NRG1: variants seen among roughly 807,000 people sequenced by gnomAD.
The protein encoded by NRG1 is neuregulin 1.
Under a neutral mutation model 63.8 loss-of-function variants are expected in NRG1, and 18 were observed. The observed-to-expected ratio is 0.28, with a 90% CI of 0.19 to 0.42. The LOEUF (loss-of-function observed/expected upper bound fraction) is 0.42, where lower values mean the gene tolerates loss of function less well. Among genes scored for constraint, NRG1 ranks in the 10% least tolerant of loss-of-function variants. NRG1 has a pLI of 1.00. For synonymous variants in NRG1, 302 were observed against 301.3 expected (o/e 1.00, Z -0.02); for missense variants, 762 against 814.7 (o/e 0.94, Z 0.79).
chr8:32,447,533 T>C (rs1820417496), intron 1 of NRG1, among the ~76,000 whole-genome samples: 1 of 152,108 alleles, frequency 6.6e-6, no homozygotes, highest in African/African-American at 2.4e-5. Context: ...TTTTATTCTA[T>C]TATATTCTCT....
chr8:32,648,378 A>G, intron 5 of NRG1: 3 of 1,613,722 alleles, frequency 1.9e-6, no homozygotes, highest in Non-Finnish European at 2.5e-6. Flanking sequence ...AACTGCTCCT[A>G]AACTTTGTAA....
intron 1 of NRG1, among the ~76,000 whole-genome samples, chr8:32,428,549 C>T (rs543401392): frequency 5.3e-5 from 8 of 152,260 alleles, no homozygotes; most frequent in South Asian, 4.1e-4. Flanking sequence ...TTCTGCTTAA[C>T]GGTTTCACAC....
chr8:32,608,949 C>T (rs1221075738), intron 3 of NRG1, among the ~76,000 whole-genome samples: 1 of 152,146 alleles, frequency 6.6e-6, no homozygotes, highest in Non-Finnish European at 1.5e-5. Flanking sequence ...ATCCTATTAG[C>T]AAAGTTGATT....
intron 1 of NRG1, among the ~76,000 whole-genome samples, chr8:32,342,748 A>C (rs562910664): frequency 6.6e-6 from 1 of 152,232 alleles, no homozygotes. Flanking sequence ...ACTACATGAA[A>C]GTAGATTTGT....
At chr8:32,726,012 A>C (rs1243489254) in intron 5 of NRG1, among the ~76,000 whole-genome samples, 1 of 152,130 alleles carries the variant, frequency 6.6e-6, no homozygotes, top group Non-Finnish European at 1.5e-5. Context: ...CTGTCTACTC[A>C]TTCTTTCTTA....
chr8:31,976,492 A>G (rs1032701942), intron 1 of NRG1, among the ~76,000 whole-genome samples: 11 of 152,110 alleles, frequency 7.2e-5, no homozygotes, highest in African/African-American at 2.4e-4. Flanking sequence ...GTGGGGGGAG[A>G]TGAAATTAGT....
At chr8:31,912,769 C>T (rs576393295) in intron 1 of NRG1, among the ~76,000 whole-genome samples, 2 of 152,172 alleles carry the variant, frequency 1.3e-5, no homozygotes, top group South Asian at 4.1e-4. Context: ...ATCTGTGAAA[C>T]TGAAAAGCTT....
chr8:31,873,997 C>T (rs1370320927), intron 1 of NRG1, among the ~76,000 whole-genome samples: 1 of 152,076 alleles, frequency 6.6e-6, no homozygotes, highest in Middle Eastern at 3.2e-3. Context: ...ATGTGATTTT[C>T]TGTTGGAGTC....
intron 1 of NRG1, among the ~76,000 whole-genome samples, chr8:32,210,997 A>G (rs781463100): frequency 4.3e-4 from 65 of 152,212 alleles, no homozygotes; most frequent in Non-Finnish European, 6.3e-4. Context: ...CAATATTAAT[A>G]CACCCTCTTT....
chr8:31,787,495 T>C (rs1820291274), intron 1 of NRG1, among the ~76,000 whole-genome samples: 1 of 152,158 alleles, frequency 6.6e-6, no homozygotes, highest in Admixed American at 6.6e-5. Flanking sequence ...ATCAACCATC[T>C]ACCTAAGCCT....
chr8:31,924,276 A>G (rs1157645293), intron 1 of NRG1, among the ~76,000 whole-genome samples: 1 of 151,824 alleles, frequency 6.6e-6, no homozygotes, highest in Non-Finnish European at 1.5e-5. Flanking sequence ...GCTTGAACCC[A>G]GGAGGCAGAG....
chr8:31,798,049 G>A (rs1821404577), intron 1 of NRG1, among the ~76,000 whole-genome samples: 1 of 152,154 alleles, frequency 6.6e-6, no homozygotes, highest in Admixed American at 6.5e-5. Context: ...GGGAAGAAAG[G>A]AGAGGGAACG....
intron 1 of NRG1, among the ~76,000 whole-genome samples, chr8:31,723,830 A>G (rs890642665): frequency 6.6e-6 from 1 of 152,160 alleles, no homozygotes; most frequent in Non-Finnish European, 1.5e-5. Context: ...CATTCGAAGT[A>G]CATTCAGAAG....
intron 1 of NRG1, among the ~76,000 whole-genome samples, chr8:32,310,254 A>C (rs944831385): frequency 6.6e-6 from 1 of 152,196 alleles, no homozygotes; most frequent in Non-Finnish European, 1.5e-5. Flanking sequence ...GAATGCATAG[A>C]AAAAAGAACT....
At chr8:31,766,279 A>T (rs939144665) in intron 1 of NRG1, among the ~76,000 whole-genome samples, 1 of 152,214 alleles carries the variant, frequency 6.6e-6, no homozygotes, top group Non-Finnish European at 1.5e-5. Context: ...ACGTTAAAAA[A>T]GATCCCCTGA....
chr8:32,233,561 ATATTTTTTTT>A (rs1359067132), intron 1 of NRG1, among the ~76,000 whole-genome samples: 2,357 of 59,330 alleles, frequency 0.04, 77 homozygotes, highest in African/African-American at 0.18. Context: ...ATATATATAT[ATATTTTTTTT>A]TTTTTTTCTT....
At chr8:31,795,717 A>G (rs1821139531) in intron 1 of NRG1, among the ~76,000 whole-genome samples, 1 of 152,128 alleles carries the variant, frequency 6.6e-6, no homozygotes, top group South Asian at 2.1e-4. Flanking sequence ...TATTTATTCA[A>G]CAAATATGTA....
intron 1 of NRG1, among the ~76,000 whole-genome samples, chr8:32,184,699 G>C (rs1054202014): frequency 6.6e-6 from 1 of 151,988 alleles, no homozygotes; most frequent in Admixed American, 6.6e-5. Flanking sequence ...TGCTTTAATG[G>C]TTAGAGCTGT....
chr8:32,716,669 A>G (rs962021438), intron 5 of NRG1, among the ~76,000 whole-genome samples: 3 of 152,148 alleles, frequency 2.0e-5, no homozygotes, highest in African/African-American at 7.2e-5. Flanking sequence ...AAGCTGAGAT[A>G]AGGCCCTAAC....
Sources: gnomAD v4.1 joint callset for allele counts (sites outside exome capture counted in the v4.1 genomes callset) on GRCh38, gnomAD v4.1.1 for gene constraint, MANE v1.5 for transcripts, NCBI Gene and HGNC (gene_info 2026-07-23, HGNC 2026-07-21) for gene names.